TCF20: variants seen among roughly 807,000 people sequenced by gnomAD.
TCF20 encodes the protein SPRE-binding protein.
A neutral mutation model predicts 148.6 loss-of-function variants in TCF20; 3 were observed. The ratio of observed to expected loss-of-function variants is 0.02; its 90% CI spans 0.01 to 0.05. The LOEUF is 0.05. TCF20 is among the 10% of genes least tolerant of loss of function. The probability of loss-of-function intolerance (pLI) is 1.00; values close to 1 mark genes in which losing one functional copy is unlikely to be tolerated. For missense variants in TCF20, 2,350 were observed against 2,429.3 expected (o/e 0.97, Z 0.69); for synonymous variants, 1,049 against 909.5 (o/e 1.15, Z -2.76).
chr22:42,223,222 C>T (rs1406557342), intron 1 of TCF20, among the ~76,000 whole-genome samples: 2 of 152,146 alleles, frequency 1.3e-5, no homozygotes, highest in African/African-American at 2.4e-5. Context: ...TTACCTGTAA[C>T]TCAATTAATG....
At chr22:42,295,250 C>G (rs928804581) in intron 1 of TCF20, among the ~76,000 whole-genome samples, 2 of 152,092 alleles carry the variant, frequency 1.3e-5, no homozygotes, top group African/African-American at 4.8e-5. Flanking sequence ...CCATAGCCAC[C>G]CTAAACTCCT....
intron 2 of TCF20, among the ~76,000 whole-genome samples, chr22:42,201,932 C>CT (rs941724081): frequency 2.0e-5 from 3 of 152,088 alleles, no homozygotes; most frequent in African/African-American, 7.2e-5. Context: ...TGCCTTCTGT[C>CT]TTTTGAGAGA....
chr22:42,242,452 A>G (rs950446539), intron 1 of TCF20, among the ~76,000 whole-genome samples: 5 of 152,068 alleles, frequency 3.3e-5, no homozygotes, highest in African/African-American at 1.2e-4. Context: ...TTCTGTAAGT[A>G]TAGTACCACC....
chr22:42,177,308 G>T (rs1050893190), intron 3 of TCF20, among the ~76,000 whole-genome samples: 1 of 152,138 alleles, frequency 6.6e-6, no homozygotes, highest in Non-Finnish European at 1.5e-5. Context: ...CCAGCTACTC[G>T]GGAGGCTGTG....
intron 1 of TCF20, among the ~76,000 whole-genome samples, chr22:42,312,178 G>T (rs1439679226): frequency 6.6e-6 from 1 of 152,186 alleles, no homozygotes; most frequent in Non-Finnish European, 1.5e-5. Flanking sequence ...ATGCCGAGAA[G>T]GTGCCATCAT....
intron 1 of TCF20, among the ~76,000 whole-genome samples, chr22:42,231,517 A>T (rs1260676367): frequency 6.6e-6 from 1 of 152,128 alleles, no homozygotes; most frequent in Non-Finnish European, 1.5e-5. Flanking sequence ...AAGTTTATAG[A>T]ATAACACAAT....
intron 1 of TCF20, among the ~76,000 whole-genome samples, chr22:42,307,468 C>G (rs1236897640): frequency 6.6e-6 from 1 of 152,238 alleles, no homozygotes; most frequent in African/African-American, 2.4e-5. Flanking sequence ...TGATCCCTAG[C>G]TCCCTCTGAT....
upstream of TCF20, among the ~76,000 whole-genome samples, chr22:42,271,669 A>G (rs1926626368): frequency 6.6e-6 from 1 of 152,076 alleles, no homozygotes; most frequent in Non-Finnish European, 1.5e-5. Context: ...GTGGGTGAGG[A>G]GAGTTTGGAT....
intron 1 of TCF20, among the ~76,000 whole-genome samples, chr22:42,222,217 T>C (rs533131498): frequency 1.3e-5 from 2 of 152,294 alleles, no homozygotes; most frequent in Admixed American, 6.5e-5. Context: ...AAGATAAGGT[T>C]GTTCTTCCTC....
rs57857271 is a variant in TCF20 at position 42,179,490 on chromosome 22, C to CAAAAAAAAAA, written c.5749+109_5749+118dup. On this transcript the variant is annotated intron_variant, in intron 3 of 5. Coordinates refer to ENST00000677622, the MANE Select transcript of TCF20 (RefSeq NM_001378418.1). Reference sequence around the variant, plus strand: ...GGTGGGAAGTTTTTTTATGAAGTGACAAAAAAAAAAAAAAAAAAAAAGAAA... The same window carrying CAAAAAAAAAA: ...GGTGGGAAGTTTTTTTATGAAGTGACAAAAAAAAAAAAAAAAAAAAAAAAAAAAAAAGAAA... 4.8e-4 allele frequency: 179 copies of CAAAAAAAAAA among 373,094 alleles called. 1 individual carries two copies. The highest frequency in any genetic ancestry group is 7.8e-4 in the Admixed American group (15 of 19,146). 23.1% of individuals were successfully genotyped at this position (373,094 alleles called of 1,614,324 possible).
chr22:42,171,308 C>T (rs1031755779), intron 3 of TCF20, among the ~76,000 whole-genome samples: 9 of 152,174 alleles, frequency 5.9e-5, no homozygotes, highest in East Asian at 1.9e-4. Flanking sequence ...GAGGCAGCCA[C>T]GGTACTTATC....
intron 3 of TCF20, among the ~76,000 whole-genome samples, chr22:42,177,017 T>A (rs1176169924): frequency 6.6e-6 from 1 of 152,190 alleles, no homozygotes; most frequent in African/African-American, 2.4e-5. Context: ...AACACAGACA[T>A]GTTGTTTGAG....
intron 1 of TCF20, 137 bp from the exon 2 acceptor site, chr22:42,215,478 TTGG>T: frequency 1.6e-6 from 2 of 1,243,668 alleles, no homozygotes; most frequent in Non-Finnish European, 2.1e-6. Context: ...TTTTTTTTTT[TTGG>T]TTTTTTGAGA....
intron 1 of TCF20, among the ~76,000 whole-genome samples, chr22:42,280,602 G>C (rs1388180646): frequency 6.6e-6 from 1 of 152,194 alleles, no homozygotes; most frequent in Non-Finnish European, 1.5e-5. Context: ...TAGGCAACTA[G>C]AACACAGCCT....
chr22:42,330,453 C>T (rs572858741), intron 1 of TCF20, among the ~76,000 whole-genome samples: 5 of 152,262 alleles, frequency 3.3e-5, no homozygotes, highest in African/African-American at 1.2e-4. Context: ...TGTGTCTCTC[C>T]CCTGCTGGTT....
At chr22:42,166,703 G>A (rs1167747752) in intron 5 of TCF20, among the ~76,000 whole-genome samples, 1 of 151,916 alleles carries the variant, frequency 6.6e-6, no homozygotes, top group African/African-American at 2.4e-5. Flanking sequence ...ATCCCCAGGA[G>A]ATTTGTCCAC....
rs1163537986 is a variant in TCF20, at chr22:42,338,739, G to A, written c.-37+4740C>T. On this transcript the variant is annotated intron_variant, in intron 1 of 1. Transcript: ENST00000515426. This position sits in a 1 kb window ranked among gnomAD's most constrained non-coding sequence, Gnocchi z 4.0. ...AACAATAGGCACCTCTTCATCATCT[G>A]CCTCTCAACACGTGACTTTCAAAGG... Among the ~76,000 whole-genome samples, 3 of 152,212 alleles carry A rather than the reference G, an allele frequency of 2.0e-5. No individual in the cohort carries two copies. Among genetic ancestry groups the A allele is most frequent in the Non-Finnish European group, 4.4e-5 (3 of 68,040 alleles).
chr22:42,288,946 A>T (rs532894789), upstream of TCF20, among the ~76,000 whole-genome samples: 6 of 152,334 alleles, frequency 3.9e-5, no homozygotes, highest in East Asian at 1.2e-3. Context: ...AAGCCTGGGC[A>T]GGCCTCATTC....
At chr22:42,311,631 C>T (rs1429908375) in intron 1 of TCF20, among the ~76,000 whole-genome samples, 3 of 152,196 alleles carry the variant, frequency 2.0e-5, no homozygotes, top group African/African-American at 4.8e-5. Context: ...AGACCCCAGG[C>T]CTGGCCCTCC....
Sources: gnomAD v4.1 joint callset for allele counts (sites outside exome capture counted in the v4.1 genomes callset) on GRCh38, gnomAD v4.1.1 for gene constraint, Gnocchi (gnomAD v3.1) non-coding constraint, MANE v1.5 for transcripts, NCBI Gene and HGNC (gene_info 2026-07-23, HGNC 2026-07-21) for gene names.